TRPC6: variants seen among roughly 807,000 people sequenced by gnomAD.
TRPC6 encodes short transient receptor potential channel 6.
TRPC6 carries 55 observed loss-of-function variants against 90.7 expected under a neutral mutation model. The ratio of observed to expected loss-of-function variants is 0.61; its 90% CI spans 0.49 to 0.76. The LOEUF (loss-of-function observed/expected upper bound fraction) is 0.76. Ranked by LOEUF, TRPC6 falls within the 30% of genes least tolerant of loss-of-function variation. The pLI is 0.00. For synonymous variants in TRPC6, 393 were observed against 393.0 expected (o/e 1.00, Z 0.00); for missense variants, 989 against 1,122.7 (o/e 0.88, Z 1.70).
chr11:101,544,463 A>C (rs146095526), intron 1 of TRPC6, among the ~76,000 whole-genome samples: 2 of 152,360 alleles, frequency 1.3e-5, no homozygotes, highest in African/African-American at 4.8e-5. Context: ...CACAATAGCA[A>C]AGACCTGGAA....
intron 1 of TRPC6, among the ~76,000 whole-genome samples, chr11:101,561,520 A>C (rs948897144): frequency 6.6e-6 from 1 of 152,148 alleles, no homozygotes; most frequent in Non-Finnish European, 1.5e-5. Flanking sequence ...AGTGGTTCTC[A>C]TCCTTTATAT....
In TRPC6 at chr11:101,469,461, T is replaced by C. The variant is rs1591527365; in HGVS notation, c.2450A>G (p.Glu817Gly). The C allele has an allele frequency of 1.3e-6, 1 of 772,654 alleles. No homozygotes were observed. Among genetic ancestry groups the C allele is most frequent in the East Asian group, 2.4e-5 (1 of 41,048 alleles). The allele number at this position is 772,654 out of a possible 1,614,324, so 47.9% of individuals were successfully genotyped here. A position where few individuals can be genotyped will look rare whatever the true frequency, so the allele number is the denominator to read the frequency against. ...GTCAAGTGATAATTTTGAAAGGTCT[T>C]CATGACTTCCTAAAATTCCAAGTTT... ...EKKLGILGSH[E>G]DLSKLSLDKK... The change falls in exon 10 of 13, where the codon GAA (glutamate) becomes GGA (glycine). Residue 817 changes from glutamate to glycine, a missense_variant. This residue lies in a region of TRPC6 where 191 missense variants were observed against 196.7 expected (regional missense o/e 0.97). Coordinates refer to ENST00000344327, the MANE Select transcript of TRPC6 (RefSeq NM_004621.6).
intron 4 of TRPC6, among the ~76,000 whole-genome samples, chr11:101,487,558 A>G (rs1195074246): frequency 1.3e-5 from 2 of 151,684 alleles, no homozygotes; most frequent in South Asian, 2.1e-4. Context: ...TAAGTCTCCA[A>G]TGTCTATCAT....
chr11:101,476,247 G>A (rs1859415145), intron 6 of TRPC6, 54 bp downstream of exon 6: 3 of 1,498,982 alleles, frequency 2.0e-6, no homozygotes, highest in Non-Finnish European at 2.8e-6. Flanking sequence ...ACTGACATCT[G>A]TTTTACAAGA....
In TRPC6 at chr11:101,527,221, G is replaced by C. The variant is rs1860800682; in HGVS notation, c.171-22423C>G. 2.6e-5 allele frequency among the ~76,000 whole-genome samples: 4 copies of C among 152,028 alleles called. 1 individual carries two copies. The highest frequency in any genetic ancestry group is 2.1e-4 in the South Asian group (1 of 4,808). ...ATACACCCTGTTAAATACCAAATAG[G>C]GTTTCTTGGTTTGACAAGGCTCTGT... On this transcript the variant is annotated intron_variant, in intron 1 of 12. Coordinates refer to ENST00000344327, the MANE Select transcript of TRPC6 (RefSeq NM_004621.6).
Position 101,558,384 on chromosome 11 carries a change from T to G in TRPC6, c.170+24950A>C, listed in dbSNP as rs113338232. Among the ~76,000 whole-genome samples the G allele has an allele frequency of 6.0e-5, 4 of 66,834 alleles. 2 individuals are homozygous for G. Among genetic ancestry groups the G allele is most frequent in the African/African-American group, 2.5e-4 (4 of 16,102 alleles). The allele number at this position is 66,834 out of a possible 152,430, so 43.8% of individuals were successfully genotyped here. The stretch of plus-strand genomic sequence containing the variant: ...ATATGGGTATACATGTATATATGTA[T>G]ACATGTATACATATACACACACACA... On this transcript the variant is annotated intron_variant, in intron 1 of 12. Coordinates refer to ENST00000344327, the MANE Select transcript of TRPC6 (RefSeq NM_004621.6).
intron 2 of TRPC6, 139 bp downstream of exon 2, chr11:101,503,885 T>C: frequency 9.3e-7 from 1 of 1,074,464 alleles, no homozygotes; most frequent in Non-Finnish European, 1.4e-6. Context: ...ATGATTATAA[T>C]AAAGAGCTTG....
chr11:101,546,858 T>C (rs555696650), intron 1 of TRPC6, among the ~76,000 whole-genome samples: 2 of 152,280 alleles, frequency 1.3e-5, no homozygotes, highest in African/African-American at 2.4e-5. Flanking sequence ...GGTATATTTA[T>C]ACAAGGGATA....
Position 101,454,183 on chromosome 11 carries a change from C to T in TRPC6, c.2569-458G>A, listed in dbSNP as rs369450468. 5.3e-5 allele frequency among the ~76,000 whole-genome samples: 8 copies of T among 152,192 alleles called. No homozygotes were observed. The East Asian group carries it at 1.4e-3, about 26-fold the overall frequency. On this transcript the variant is annotated intron_variant, in intron 11 of 12. Coordinates refer to ENST00000344327, the MANE Select transcript of TRPC6 (RefSeq NM_004621.6). ...TCTATTAATTTAGGAATGCTAGTTTCAATGTAATATATTTTTCAAGTACCT... is the reference window on the plus strand; with the variant it reads ...TCTATTAATTTAGGAATGCTAGTTTTAATGTAATATATTTTTCAAGTACCT...
At chr11:101,558,557 A>G (rs1861644311) in intron 1 of TRPC6, among the ~76,000 whole-genome samples, 1 of 150,306 alleles carries the variant, frequency 6.7e-6, no homozygotes, top group Admixed American at 6.6e-5. Context: ...TGGTCGATTG[A>G]TTTTTTGTGT....
intron 1 of TRPC6, among the ~76,000 whole-genome samples, chr11:101,565,509 C>A (rs190814196): frequency 8.5e-5 from 13 of 152,068 alleles, no homozygotes; most frequent in Middle Eastern, 3.4e-3. Flanking sequence ...TTCTTTTATC[C>A]TGTAATTCCA....
intron 1 of TRPC6, among the ~76,000 whole-genome samples, chr11:101,566,956 G>A (rs1324486349): frequency 6.6e-6 from 1 of 151,732 alleles, no homozygotes; most frequent in Non-Finnish European, 1.5e-5. Context: ...CCTTGGAGCA[G>A]ACACCAAGCT....
intron 10 of TRPC6, among the ~76,000 whole-genome samples, chr11:101,467,069 G>C (rs57153009): frequency 0.046 from 6,977 of 152,208 alleles, 329 homozygotes; most frequent in African/African-American, 0.12. Context: ...AGATGAACTG[G>C]GTACCTCAGT....
intron 1 of TRPC6, among the ~76,000 whole-genome samples, chr11:101,552,378 T>A (rs1565240490): frequency 6.6e-6 from 1 of 152,064 alleles, no homozygotes; most frequent in Non-Finnish European, 1.5e-5. Flanking sequence ...GCTTTTCTAA[T>A]CATCCAAAAT....
intron 1 of TRPC6, among the ~76,000 whole-genome samples, chr11:101,531,097 T>C (rs1591115012): frequency 6.6e-6 from 1 of 152,166 alleles, no homozygotes; most frequent in African/African-American, 2.4e-5. Context: ...TACACACACA[T>C]ACACACACAC....
At chr11:101,579,347 TTC>T (rs1862141540) in intron 1 of TRPC6, among the ~76,000 whole-genome samples, 2 of 152,204 alleles carry the variant, frequency 1.3e-5, no homozygotes. Context: ...CTTTTAAAGA[TTC>T]TTTTTCATGT....
In TRPC6 at chr11:101,472,135, A is replaced by G. The variant is rs942782739; in HGVS notation, c.2205+2T>C. 7 of 1,610,642 alleles carry G rather than the reference A, an allele frequency of 4.3e-6. No individual in the cohort carries two copies. Among genetic ancestry groups the G allele is most frequent in the Non-Finnish European group, 5.9e-6 (7 of 1,178,942 alleles). On this transcript the variant is annotated splice_donor_variant, in intron 8 of 12. Transcript: ENST00000344327. LOFTEE classifies it high-confidence loss of function. ...AATTATAAAAATGTATTGAGATTATACCTCAATTTCCTGGAATGAACTGTT... is the reference window on the plus strand; with the variant it reads ...AATTATAAAAATGTATTGAGATTATGCCTCAATTTCCTGGAATGAACTGTT...
intron 1 of TRPC6, among the ~76,000 whole-genome samples, chr11:101,575,660 GATGA>G (rs761571063): frequency 7.9e-5 from 12 of 152,100 alleles, no homozygotes; most frequent in Non-Finnish European, 1.2e-4. Flanking sequence ...AATCAACAGA[GATGA>G]ATGAATAAAT....
chr11:101,502,966 T>C (rs76712371), intron 2 of TRPC6, among the ~76,000 whole-genome samples: 1 of 111,132 alleles, frequency 9.0e-6, no homozygotes, highest in Non-Finnish European at 2.0e-5. Flanking sequence ...TCTCAGCATA[T>C]AGAAAAAAAA....
Sources: gnomAD v4.1 joint callset for allele counts (sites outside exome capture counted in the v4.1 genomes callset) on GRCh38, gnomAD v4.1.1 for gene constraint, gnomAD v4.1.1 regional missense constraint, MANE v1.5 for transcripts, NCBI Gene and HGNC (gene_info 2026-07-23, HGNC 2026-07-21) for gene names.